ZNF562: variants seen among roughly 807,000 people sequenced by gnomAD.
ZNF562 encodes the protein zinc finger protein 562.
A neutral mutation model predicts 17.5 loss-of-function variants in ZNF562; 13 were observed. The ratio of observed to expected loss-of-function variants is 0.74; its 90% CI spans 0.48 to 1.18. The LOEUF (loss-of-function observed/expected upper bound fraction) is 1.18, where lower values mean the gene tolerates loss of function less well. ZNF562 is among the 50% of genes most tolerant of loss of function. The probability of loss-of-function intolerance (pLI) is 0.00; values close to 1 mark genes in which losing one functional copy is unlikely to be tolerated. For synonymous variants in ZNF562, 163 were observed against 165.4 expected, an observed-to-expected ratio of 0.99 and a Z score of 0.11; for missense variants, 481 against 498.5, an observed-to-expected ratio of 0.96 and a Z score of 0.33.
chr19:9,666,675 A>G (rs2043971464), intron 1 of ZNF562, among the ~76,000 whole-genome samples: 1 of 152,094 alleles, frequency 6.6e-6, no homozygotes, highest in Non-Finnish European at 1.5e-5. Context: ...GACCCAAATA[A>G]AATAAAAAAT....
chr19:9,670,026 C>T (rs1451695226), intron 1 of ZNF562, among the ~76,000 whole-genome samples: 2 of 152,264 alleles, frequency 1.3e-5, no homozygotes, highest in Non-Finnish European at 2.9e-5. Flanking sequence ...CGTGCCACTG[C>T]ACCCCAGCCT....
intron 1 of ZNF562, among the ~76,000 whole-genome samples, chr19:9,666,687 AAAAAG>A (rs1169578551): frequency 6.6e-6 from 1 of 152,126 alleles, no homozygotes; most frequent in African/African-American, 2.4e-5. Context: ...ATAAAAAATG[AAAAAG>A]AAAACAGAAC....
chr19:9,665,260 G>A (rs2043911452), intron 1 of ZNF562, among the ~76,000 whole-genome samples: 1 of 149,252 alleles, frequency 6.7e-6, no homozygotes, highest in South Asian at 2.1e-4. Flanking sequence ...CTACAACGAA[G>A]TGAAAAAAAC....
In ZNF562 at chr19:9,653,389, T is replaced by C. The variant is rs377324740; in HGVS notation, c.841A>G (p.Thr281Ala). Residue 281 changes from threonine to alanine, a missense_variant, in exon 6 of 6, where the codon ACT becomes GCT. Around this residue, in one of 2 missense-constraint regions of ZNF562, gnomAD observed 403 missense variants for 386.4 expected, o/e 1.04. Coordinates refer to ENST00000453372, the MANE Select transcript of ZNF562 (RefSeq NM_001130031.2). ...NFSQLSAHAK[T>A]HKGEKSFECK... is the part of the protein sequence containing the mutation. Reference sequence around the variant, plus strand: ...TCAAAGGACTTCTCTCCTTTATGAGTTTTTGCATGTGCAGAAAGTTGAGAA... The same window carrying C: ...TCAAAGGACTTCTCTCCTTTATGAGCTTTTGCATGTGCAGAAAGTTGAGAA... 2 of 1,614,032 alleles carry C rather than the reference T, an allele frequency of 1.2e-6. No homozygotes were observed. Among genetic ancestry groups the C allele is most frequent in the Non-Finnish European group, 1.7e-6 (2 of 1,180,026 alleles).
chr19:9,670,307 T>C (rs755583054), intron 1 of ZNF562, among the ~76,000 whole-genome samples: 2 of 152,096 alleles, frequency 1.3e-5, no homozygotes, highest in African/African-American at 4.8e-5. Context: ...AACTACCATA[T>C]GATCTGGAAT....
intron 3 of ZNF562, among the ~76,000 whole-genome samples, chr19:9,658,689 C>G (rs1015098626): frequency 1.3e-5 from 2 of 151,810 alleles, no homozygotes; most frequent in Admixed American, 1.3e-4. Flanking sequence ...TCTTTTTTGT[C>G]TGATCTATTT....
chr19:9,669,900 G>T (rs1029443009), intron 1 of ZNF562, among the ~76,000 whole-genome samples: 2 of 151,762 alleles, frequency 1.3e-5, no homozygotes, highest in Non-Finnish European at 2.9e-5. Flanking sequence ...TGTCTCTACT[G>T]AAAATACAAA....
intron 1 of ZNF562, among the ~76,000 whole-genome samples, chr19:9,669,722 GCGCGCGCGCGCGCACA>G (rs1408682168): frequency 0.15 from 14,887 of 97,434 alleles, 946 homozygotes; most frequent in Admixed American, 0.27. Context: ...GCGCGAGCGC[GCGCGCGCGCGCGCACA>G]CACACACACA....
At position 9,649,967 on chromosome 19, in the gene ZNF562, T is replaced by C. The variant is rs947864819; in HGVS notation, c.*2982A>G. ...ACCCAGCTTTAAAATTTCTCTCTTTTGTACTCTGTCCCTTTATTTCTCAAG... is the reference window on the plus strand; with the variant it reads ...ACCCAGCTTTAAAATTTCTCTCTTTCGTACTCTGTCCCTTTATTTCTCAAG... On this transcript the variant is annotated 3_prime_UTR_variant, in exon 6 of 6. Coordinates refer to ENST00000453372, the MANE Select transcript of ZNF562 (RefSeq NM_001130031.2). 2.0e-4 allele frequency: 31 copies of C among 152,208 alleles called. 1 individual carries two copies. Among genetic ancestry groups the C allele is most frequent in the African/African-American group, 7.5e-4 (31 of 41,460 alleles). The allele number at this position is 152,208 out of a possible 1,614,324, so 9.4% of individuals were successfully genotyped here. A position where few individuals can be genotyped will look rare whatever the true frequency, so the allele number is the denominator to read the frequency against.
In ZNF562 at chr19:9,669,754, A is replaced by ACACACACG. The variant is rs1555699581; in HGVS notation, c.-131+5260_-131+5261insCGTGTGTG. On this transcript the variant is annotated intron_variant, in intron 1 of 5. Coordinates refer to ENST00000453372, the MANE Select transcript of ZNF562 (RefSeq NM_001130031.2). ...CGCGCGCACACACACACACACACAC[A>ACACACACG]CACACACACACACACACACACAACC... Among the ~76,000 whole-genome samples the ACACACACG allele has an allele frequency of 7.7e-4, 115 of 149,622 alleles. 1 individual carries two copies. The South Asian group carries it at 0.023, about 30-fold the overall frequency.
intron 1 of ZNF562, among the ~76,000 whole-genome samples, chr19:9,668,139 G>A (rs1294658243): frequency 1.3e-5 from 2 of 152,086 alleles, no homozygotes; most frequent in Non-Finnish European, 2.9e-5. Context: ...ATTTTGGGAG[G>A]CTGAGGTGGA....
At position 9,656,940 on chromosome 19, in the gene ZNF562, T is replaced by G. The variant is rs950309686; in HGVS notation, c.242-287A>C. Among the ~76,000 whole-genome samples the G allele has an allele frequency of 1.3e-4, 19 of 150,240 alleles. 1 individual carries two copies. Among genetic ancestry groups the G allele is most frequent in the African/African-American group, 4.4e-4 (18 of 40,960 alleles). On this transcript the variant is annotated intron_variant, in intron 4 of 5. Coordinates refer to ENST00000453372, the MANE Select transcript of ZNF562 (RefSeq NM_001130031.2). Reference sequence around the variant, plus strand: ...CTGTAGTCCCAGCTACTCAGGAGGCTGAGGCAGGGGAATCACTTGAACCCC... The same window carrying G: ...CTGTAGTCCCAGCTACTCAGGAGGCGGAGGCAGGGGAATCACTTGAACCCC...
Position 9,650,241 on chromosome 19 carries a change from C to CTCTCTAA in ZNF562, c.*2707_*2708insTTAGAGA, listed in dbSNP as rs1306464237. ...AAATATTTAGAGAGAGCTTCATCAT[C>CTCTCTAA]ATACGAATTTTGGGGGTCATTGTTC... On this transcript the variant is annotated 3_prime_UTR_variant, in exon 6 of 6. Transcript: ENST00000453372. The CTCTCTAA allele has an allele frequency of 1.3e-5, 2 of 152,060 alleles. No homozygotes were observed. Among genetic ancestry groups the CTCTCTAA allele is most frequent in the Non-Finnish European group, 2.9e-5 (2 of 68,024 alleles). The allele number at this position is 152,060 out of a possible 1,614,324, so 9.4% of individuals were successfully genotyped here.
At chr19:9,672,777 CTT>C (rs869261585) in intron 1 of ZNF562, among the ~76,000 whole-genome samples, 14,702 of 111,946 alleles carry the variant, frequency 0.13, 866 homozygotes, top group Admixed American at 0.21. Flanking sequence ...TATTGCCTTT[CTT>C]TTTTTTTTTT....
rs563165426 is a variant in ZNF562 at position 9,650,340 on chromosome 19, A to G, written c.*2609T>C. ...AGATAATCTATAAATAATGACTCTT[A>G]CTGTTCCACTTTAGGAGTTAGGTAT... On this transcript the variant is annotated 3_prime_UTR_variant, in exon 6 of 6. Coordinates refer to ENST00000453372, the MANE Select transcript of ZNF562 (RefSeq NM_001130031.2). 1.3e-5 allele frequency: 2 copies of G among 151,744 alleles called. No individual in the cohort carries two copies. Among genetic ancestry groups the G allele is most frequent in the East Asian group, 3.9e-4 (2 of 5,150 alleles). The allele number at this position is 151,744 out of a possible 1,614,324, so 9.4% of individuals were successfully genotyped here. A position where few individuals can be genotyped will look rare whatever the true frequency, so the allele number is the denominator to read the frequency against.
At chr19:9,667,235 C>T (rs1018251318) in intron 1 of ZNF562, among the ~76,000 whole-genome samples, 6 of 152,244 alleles carry the variant, frequency 3.9e-5, no homozygotes, top group Middle Eastern at 3.4e-3. Context: ...ATAAATGTGA[C>T]GTACCAAATT....
intron 1 of ZNF562, among the ~76,000 whole-genome samples, chr19:9,669,728 G>GCACACACACA (rs1456853171): frequency 2.4e-5 from 2 of 84,808 alleles, no homozygotes; most frequent in African/African-American, 4.6e-5. Context: ...GCGCGCGCGC[G>GCACACACACA]CGCGCGCACA....
chr19:9,663,578 T>G (rs1346504196), intron 1 of ZNF562, among the ~76,000 whole-genome samples: 1 of 150,708 alleles, frequency 6.6e-6, no homozygotes, highest in Non-Finnish European at 1.5e-5. Flanking sequence ...GGTTTTTTTT[T>G]GTTTTGTTTT....
chr19:9,656,893 A>T (rs1163592563), intron 4 of ZNF562, among the ~76,000 whole-genome samples: 1 of 130,146 alleles, frequency 7.7e-6, no homozygotes, highest in Admixed American at 8.1e-5. Flanking sequence ...TATATATATT[A>T]GCCGGGCGCG....
Sources: allele counts gnomAD v4.1 joint callset (sites outside exome capture counted in the v4.1 genomes callset), GRCh38; gene constraint gnomAD v4.1.1; regional missense constraint gnomAD v4.1.1; transcripts MANE v1.5; gene names NCBI Gene and HGNC (gene_info 2026-07-23, HGNC 2026-07-21).